Variants in VAV2 observed in about 807,000 individuals in gnomAD.
The protein encoded by VAV2 is vav guanine nucleotide exchange factor 2.
VAV2 carries 67 observed loss-of-function variants against 132.5 expected under a neutral mutation model. The ratio of observed to expected loss-of-function variants is 0.51; its 90% CI spans 0.42 to 0.62. The LOEUF is 0.62. Among genes scored for constraint, VAV2 ranks in the 20% least tolerant of loss-of-function variants. The pLI is 0.00. For missense variants in VAV2, 938 were observed against 1,153.6 expected (o/e 0.81, Z 2.71); for synonymous variants, 492 against 443.5 (o/e 1.11, Z -1.37).
chr9:133,899,268 C>T (rs1043691670), intron 2 of VAV2, among the ~76,000 whole-genome samples: 2 of 151,754 alleles, frequency 1.3e-5, no homozygotes, highest in African/African-American at 4.8e-5. Context: ...GGAGCTGGGA[C>T]TCCTCAGGCC....
intron 2 of VAV2, among the ~76,000 whole-genome samples, chr9:133,924,503 C>T (rs1284680196): frequency 6.6e-6 from 1 of 152,190 alleles, no homozygotes; most frequent in Non-Finnish European, 1.5e-5. Flanking sequence ...ATTATTTGTG[C>T]TACAGTTAAC....
intron 2 of VAV2, among the ~76,000 whole-genome samples, chr9:133,900,074 C>T (rs71505237): frequency 0.11 from 14,510 of 136,004 alleles, 1,506 homozygotes; most frequent in South Asian, 0.15. Context: ...TGGCACATGC[C>T]TGTGGTCCCA....
At position 133,928,923 on chromosome 9, in the gene VAV2, C is replaced by G. The variant is rs1453878147; in HGVS notation, c.321+10180G>C. On this transcript the variant is annotated intron_variant, in intron 2 of 29. Coordinates refer to ENST00000371850, the MANE Select transcript of VAV2 (RefSeq NM_001134398.2). This position sits in a 1 kb window ranked among gnomAD's most constrained non-coding sequence, Gnocchi z 5.4. ...CCATCAGATGCACCCCTGCCCACTG[C>G]CAGGGTCATCACCCACGTGCTCAAA... Among the ~76,000 whole-genome samples, 1 of 152,152 alleles carries G rather than the reference C, an allele frequency of 6.6e-6. No homozygotes were observed. Among genetic ancestry groups the G allele is most frequent in the African/African-American group, 2.4e-5 (1 of 41,432 alleles).
chr9:133,814,573 G>T lies in VAV2; in HGVS notation c.450-2357C>A, dbSNP rs375725620. 4.3e-4 allele frequency among the ~76,000 whole-genome samples: 65 copies of T among 152,350 alleles called. No individual in the cohort carries two copies. In the East Asian group the frequency reaches 0.012, roughly 28 times the overall value. On this transcript the variant is annotated intron_variant, in intron 4 of 29. Transcript: ENST00000371850. Reference sequence around the variant, plus strand: ...TCCAACAGGCCAGGTGGAAGGAGGGGGGTTGGCCGTTAAATGCTGCAAGAG... The same window carrying T: ...TCCAACAGGCCAGGTGGAAGGAGGGTGGTTGGCCGTTAAATGCTGCAAGAG...
intron 1 of VAV2, among the ~76,000 whole-genome samples, chr9:133,967,350 G>A (rs1004988997): frequency 6.6e-6 from 1 of 152,062 alleles, no homozygotes; most frequent in Non-Finnish European, 1.5e-5. Context: ...CAGTACAGAG[G>A]GTCCTCAAAA....
intron 1 of VAV2, among the ~76,000 whole-genome samples, chr9:133,973,426 G>C (rs372966491): frequency 3.1e-4 from 47 of 152,302 alleles, no homozygotes; most frequent in African/African-American, 1.1e-3. Flanking sequence ...CAGGACTGGA[G>C]AGTTATCCTG....
chr9:133,893,814 C>G (rs566925229), intron 2 of VAV2, among the ~76,000 whole-genome samples: 2 of 152,200 alleles, frequency 1.3e-5, no homozygotes, highest in African/African-American at 2.4e-5. Context: ...GTCCAACTAC[C>G]GCCCCTGAAA....
rs368962029 is a variant in VAV2, at chr9:133,973,240, C to T, written c.204+18835G>A. Reference sequence around the variant, plus strand: ...CTGGCATCTGGCCCGCCTGGCCCAGCGCTCAGCCCGCCCAGAGCGTCAACC... The same window carrying T: ...CTGGCATCTGGCCCGCCTGGCCCAGTGCTCAGCCCGCCCAGAGCGTCAACC... On this transcript the variant is annotated intron_variant, in intron 1 of 29. Coordinates refer to ENST00000371850, the MANE Select transcript of VAV2 (RefSeq NM_001134398.2). 3.9e-4 allele frequency among the ~76,000 whole-genome samples: 60 copies of T among 152,292 alleles called. 1 individual carries two copies. The highest frequency in any genetic ancestry group is 1.5e-3 in the East Asian group (8 of 5,170).
At chr9:133,953,468 G>A (rs892643072) in intron 1 of VAV2, among the ~76,000 whole-genome samples, 9 of 152,336 alleles carry the variant, frequency 5.9e-5, no homozygotes, top group African/African-American at 9.6e-5. Context: ...CCTGCACCCC[G>A]GCTCGGAGCT....
chr9:133,860,277 G>T (rs531990328), intron 3 of VAV2, among the ~76,000 whole-genome samples: 2 of 151,460 alleles, frequency 1.3e-5, no homozygotes, highest in African/African-American at 4.8e-5. Flanking sequence ...ACTCCAGCCT[G>T]AGTGACAGAG....
chr9:133,987,062 T>C (rs1232992358), intron 1 of VAV2, among the ~76,000 whole-genome samples: 5 of 151,848 alleles, frequency 3.3e-5, no homozygotes, highest in Admixed American at 2.0e-4. Flanking sequence ...ATTTCTCGAA[T>C]GAAGGCACAA....
intron 2 of VAV2, among the ~76,000 whole-genome samples, chr9:133,933,226 G>A (rs533524661): frequency 1.4e-4 from 22 of 152,228 alleles, no homozygotes; most frequent in Non-Finnish European, 2.2e-4. Flanking sequence ...AGCAGGCCTC[G>A]GGGCCAAAGC....
chr9:133,915,991 C>T (rs1588365173), intron 2 of VAV2, among the ~76,000 whole-genome samples: 2 of 152,032 alleles, frequency 1.3e-5, no homozygotes, highest in East Asian at 3.9e-4. Context: ...ACGATGCACA[C>T]ATGATATACA....
At chr9:133,856,435 G>A (rs1588274666) in intron 3 of VAV2, among the ~76,000 whole-genome samples, 7 of 146,382 alleles carry the variant, frequency 4.8e-5, no homozygotes, top group Admixed American at 3.3e-4. Context: ...GCCCCCCACC[G>A]GGACCCCATG....
intron 1 of VAV2, among the ~76,000 whole-genome samples, chr9:133,951,693 T>G (rs553537624): frequency 2.4e-4 from 36 of 152,200 alleles, no homozygotes; most frequent in African/African-American, 8.2e-4. Flanking sequence ...AGACCACGGG[T>G]GGGTCACTCA....
At chr9:133,811,857 C>G (rs566413485) in intron 5 of VAV2, among the ~76,000 whole-genome samples, 12 of 152,302 alleles carry the variant, frequency 7.9e-5, no homozygotes, top group African/African-American at 2.9e-4. Context: ...TCTCTGGGCA[C>G]CTGAGAACAT....
intron 4 of VAV2, among the ~76,000 whole-genome samples, chr9:133,813,328 G>T (rs1413436864): frequency 6.6e-6 from 1 of 152,252 alleles, no homozygotes; most frequent in African/African-American, 2.4e-5. Context: ...GCGAGGCAGG[G>T]ACAGAAGCCG....
intron 3 of VAV2, among the ~76,000 whole-genome samples, chr9:133,858,062 C>T (rs1837451628): frequency 6.6e-6 from 1 of 152,226 alleles, no homozygotes; most frequent in South Asian, 2.1e-4. Context: ...TGCTCAACCC[C>T]TCCACATGCC....
At chr9:133,892,681 C>T (rs1839026075) in intron 2 of VAV2, among the ~76,000 whole-genome samples, 1 of 152,042 alleles carries the variant, frequency 6.6e-6, no homozygotes, top group Non-Finnish European at 1.5e-5. Flanking sequence ...AACAGGGACA[C>T]AGGGGCACAA....
Sources: allele counts gnomAD v4.1 joint callset (sites outside exome capture counted in the v4.1 genomes callset), GRCh38; gene constraint gnomAD v4.1.1; non-coding constraint Gnocchi (gnomAD v3.1); transcripts MANE v1.5; gene names NCBI Gene and HGNC (gene_info 2026-07-23, HGNC 2026-07-21).